The following SGMS1 variants were observed in gnomAD, a reference collection of about 807,000 sequenced individuals.
SGMS1 encodes the protein sphingomyelin synthase 1, also known as phosphatidylcholine:ceramide cholinephosphotransferase 1.
Under a neutral mutation model 46.2 loss-of-function variants are expected in SGMS1, and 13 were observed. The observed-to-expected ratio is 0.28, with a 90% CI of 0.18 to 0.45. SGMS1 has a LOEUF of 0.45. Among genes scored for constraint, SGMS1 ranks in the 20% least tolerant of loss-of-function variants. The pLI, the probability that SGMS1 is intolerant of heterozygous loss-of-function variation, is 1.00. For missense variants in SGMS1, 324 were observed against 519.9 expected (o/e 0.62, Z 3.66); for synonymous variants, 203 against 187.8 (o/e 1.08, Z -0.66).
chr10:50,378,121 T>C (rs1848546375), intron 6 of SGMS1, among the ~76,000 whole-genome samples: 1 of 152,196 alleles, frequency 6.6e-6, no homozygotes, highest in East Asian at 1.9e-4. Context: ...TCAAGAGCAG[T>C]GTATCTTCTT....
upstream of SGMS1, chr10:50,624,586 C>T (rs1838899574): frequency 1.0e-6 from 1 of 985,094 alleles, no homozygotes; most frequent in Non-Finnish European, 1.2e-6. Flanking sequence ...GTCAGAGCCG[C>T]CCCGCCCCGC....
chr10:50,330,118 C>A (rs772846131), intron 7 of SGMS1, among the ~76,000 whole-genome samples: 1 of 152,040 alleles, frequency 6.6e-6, no homozygotes, highest in Admixed American at 6.6e-5. Flanking sequence ...CTAAATACTA[C>A]CAGCACTAGA....
intron 2 of SGMS1, among the ~76,000 whole-genome samples, chr10:50,557,030 T>A (rs1363497897): frequency 6.6e-6 from 1 of 152,202 alleles, no homozygotes; most frequent in African/African-American, 2.4e-5. Flanking sequence ...GCAAATAAAA[T>A]TAATATTAAT....
chr10:50,323,508 G>T (rs1322944454), intron 8 of SGMS1, among the ~76,000 whole-genome samples: 2 of 152,096 alleles, frequency 1.3e-5, no homozygotes, highest in African/African-American at 4.8e-5. Context: ...ACTTGTTTCT[G>T]GGCCTTTTCA....
At chr10:50,591,784 G>T (rs140968314) in intron 1 of SGMS1, among the ~76,000 whole-genome samples, 1 of 152,098 alleles carries the variant, frequency 6.6e-6, no homozygotes, top group Non-Finnish European at 1.5e-5. Flanking sequence ...ACACAGCTCC[G>T]CAAATAAAGA....
At chr10:50,564,118 A>G (rs1214393723) in intron 2 of SGMS1, among the ~76,000 whole-genome samples, 1 of 152,246 alleles carries the variant, frequency 6.6e-6, no homozygotes, top group African/African-American at 2.4e-5. Flanking sequence ...GACTTTAACC[A>G]TGACAACCCG....
At chr10:50,418,180 C>A (rs1020601119) in intron 6 of SGMS1, 11 of 152,234 alleles carry the variant, frequency 7.2e-5, no homozygotes, top group Admixed American at 2.6e-4. Flanking sequence ...GAAAGGCGAG[C>A]GCGCTGAGCG....
At chr10:50,611,927 G>C (rs1488090069) in intron 1 of SGMS1, among the ~76,000 whole-genome samples, 2 of 152,100 alleles carry the variant, frequency 1.3e-5, no homozygotes, top group African/African-American at 2.4e-5. Flanking sequence ...GTCTGTTAGG[G>C]GGAAAGAAGC....
intron 5 of SGMS1, among the ~76,000 whole-genome samples, chr10:50,443,105 G>C (rs1227188480): frequency 2.6e-5 from 4 of 152,104 alleles, no homozygotes; most frequent in African/African-American, 9.7e-5. Flanking sequence ...ATGTATATAG[G>C]AAAAGTCAGT....
chr10:50,319,082 T>G (rs1319892666), intron 8 of SGMS1, among the ~76,000 whole-genome samples: 1 of 151,866 alleles, frequency 6.6e-6, no homozygotes, highest in East Asian at 1.9e-4. Flanking sequence ...CAGGCAAGAT[T>G]TCCCTTTAAC....
At chr10:50,474,740 G>GAACAA (rs753615152) in intron 3 of SGMS1, among the ~76,000 whole-genome samples, 107 of 151,766 alleles carry the variant, frequency 7.1e-4, no homozygotes, top group Non-Finnish European at 9.9e-4. Flanking sequence ...AAACAAAACA[G>GAACAA]AACAAAACAA....
At chr10:50,608,041 A>G (rs1357071746) in intron 1 of SGMS1, among the ~76,000 whole-genome samples, 6 of 152,270 alleles carry the variant, frequency 3.9e-5, no homozygotes, top group Admixed American at 3.9e-4. Context: ...TCCCTGTACC[A>G]CAATGCCAAA....
intron 6 of SGMS1, among the ~76,000 whole-genome samples, chr10:50,380,449 T>C (rs997038447): frequency 2.6e-5 from 4 of 151,620 alleles, no homozygotes; most frequent in Non-Finnish European, 5.9e-5. Context: ...AGCAGAAGAA[T>C]ACAATCATAG....
rs559188326 is a variant in SGMS1 at position 50,358,854 on chromosome 10, T to C, written c.-231-14509A>G. Among the ~76,000 whole-genome samples the C allele has an allele frequency of 3.3e-5, 5 of 152,310 alleles. No individual in the cohort carries two copies. In the East Asian group the frequency reaches 7.7e-4, roughly 23 times the overall value. On this transcript the variant is annotated intron_variant, in intron 6 of 10. Transcript: ENST00000361781. The stretch of plus-strand genomic sequence containing the variant: ...ATTTGTTATTTAGCATTTGAAGAGT[T>C]AAATAGAAGAGTTCATAAAATGGTA...
At chr10:50,476,316 GGA>G (rs1254226439) in intron 3 of SGMS1, among the ~76,000 whole-genome samples, 4 of 109,922 alleles carry the variant, frequency 3.6e-5, no homozygotes, top group African/African-American at 1.4e-4. Context: ...GGAGGGGGAG[GGA>G]GAGAGGAGGG....
intron 2 of SGMS1, among the ~76,000 whole-genome samples, chr10:50,529,971 G>T (rs532037559): frequency 6.6e-6 from 1 of 152,216 alleles, no homozygotes; most frequent in Non-Finnish European, 1.5e-5. Context: ...CAATTTCCTC[G>T]TCCAATCTTC....
intron 6 of SGMS1, among the ~76,000 whole-genome samples, chr10:50,377,279 G>A (rs183514510): frequency 3.3e-5 from 5 of 152,104 alleles, no homozygotes; most frequent in East Asian, 3.9e-4. Flanking sequence ...CTTTTATAAC[G>A]GATCCACTTT....
intron 6 of SGMS1, among the ~76,000 whole-genome samples, chr10:50,344,640 C>A (rs886492773): frequency 6.6e-6 from 1 of 152,008 alleles, no homozygotes; most frequent in Non-Finnish European, 1.5e-5. Flanking sequence ...GAGAACGAGG[C>A]GGGCGGATCA....
chr10:50,579,032 TA>T (rs1237379798), intron 2 of SGMS1, among the ~76,000 whole-genome samples: 5 of 151,396 alleles, frequency 3.3e-5, no homozygotes, highest in Non-Finnish European at 7.4e-5. Flanking sequence ...TTGAAGGAAA[TA>T]AAAACTATGC....
Sources: allele counts gnomAD v4.1 joint callset (sites outside exome capture counted in the v4.1 genomes callset), GRCh38; gene constraint gnomAD v4.1.1; transcripts MANE v1.5; gene names NCBI Gene and HGNC (gene_info 2026-07-23, HGNC 2026-07-21).